Variants in CDKAL1 observed in about 807,000 individuals in gnomAD.
CDKAL1 encodes the protein threonylcarbamoyladenosine tRNA methylthiotransferase.
A neutral mutation model predicts 68.2 loss-of-function variants in CDKAL1; 32 were observed. The observed-to-expected ratio is 0.47, with a 90% CI of 0.35 to 0.63. CDKAL1 has a LOEUF of 0.63. CDKAL1 is among the 30% of genes least tolerant of loss of function. The probability of loss-of-function intolerance (pLI) is 0.00; values close to 1 mark genes in which losing one functional copy is unlikely to be tolerated. For missense variants in CDKAL1, 606 were observed against 696.7 expected, an observed-to-expected ratio of 0.87 and a Z score of 1.47; for synonymous variants, 234 against 244.3, an observed-to-expected ratio of 0.96 and a Z score of 0.39.
intron 5 of CDKAL1, among the ~76,000 whole-genome samples, chr6:20,711,138 G>A (rs1771825325): frequency 6.6e-6 from 1 of 152,120 alleles, no homozygotes; most frequent in African/African-American, 2.4e-5. Context: ...CAGGTAAAAA[G>A]CAAATAAAAG....
At chr6:20,627,819 C>T (rs570392276) in intron 4 of CDKAL1, among the ~76,000 whole-genome samples, 2 of 152,066 alleles carry the variant, frequency 1.3e-5, no homozygotes, top group East Asian at 3.9e-4. Flanking sequence ...TAGCTATACA[C>T]CTAAGTATTT....
intron 4 of CDKAL1, among the ~76,000 whole-genome samples, chr6:20,645,115 T>G (rs1768380279): frequency 6.6e-6 from 1 of 152,096 alleles, no homozygotes; most frequent in Non-Finnish European, 1.5e-5. Flanking sequence ...CTAAGACACT[T>G]ACTATGAATG....
At position 20,856,786 on chromosome 6, in the gene CDKAL1, A is replaced by C. The variant is rs75857834; in HGVS notation, c.742+10608A>C. ...TGGTTTTGGAAGGTTGTTTAATGGA[A>C]TTTTAATAGCCTTGGAAAGATGTGA... On this transcript the variant is annotated intron_variant, in intron 9 of 15. Coordinates refer to ENST00000274695, the MANE Select transcript of CDKAL1 (RefSeq NM_017774.3). 2.9e-3 allele frequency among the ~76,000 whole-genome samples: 437 copies of C among 152,284 alleles called. 5 individuals are homozygous for C. The highest frequency in any genetic ancestry group is 1.0e-2 in the African/African-American group (414 of 41,562).
At position 21,204,245 on chromosome 6, in the gene CDKAL1, C is replaced by T. The variant is rs114013285; in HGVS notation, c.1548+2971C>T. Among the ~76,000 whole-genome samples the T allele has an allele frequency of 4.6e-3, 696 of 152,148 alleles. 3 individuals carry two copies. Among genetic ancestry groups the T allele is most frequent in the African/African-American group, 0.014 (582 of 41,504 alleles). ...TTTTATGAACATTTTCAAGCATACA[C>T]GAAAGTAGAGAGAATAGTATAATAA... On this transcript the variant is annotated intron_variant, in intron 15 of 15. Coordinates refer to ENST00000274695, the MANE Select transcript of CDKAL1 (RefSeq NM_017774.3).
At chr6:21,181,166 G>A (rs547356248) in intron 13 of CDKAL1, among the ~76,000 whole-genome samples, 6 of 152,278 alleles carry the variant, frequency 3.9e-5, no homozygotes, top group East Asian at 1.9e-4. Context: ...AACCAACTCC[G>A]GAGATAGCAA....
At chr6:21,080,554 G>T (rs1030488770) in intron 12 of CDKAL1, among the ~76,000 whole-genome samples, 4 of 152,144 alleles carry the variant, frequency 2.6e-5, no homozygotes, top group Non-Finnish European at 5.9e-5. Context: ...ATTCCTCTCA[G>T]TCAGAATCAT....
intron 5 of CDKAL1, among the ~76,000 whole-genome samples, chr6:20,672,741 G>A (rs1769907018): frequency 6.6e-6 from 1 of 152,070 alleles, no homozygotes; most frequent in South Asian, 2.1e-4. Flanking sequence ...GTAACTCCAT[G>A]AAAAATTGAC....
At chr6:20,776,506 G>A (rs888600811) in intron 7 of CDKAL1, among the ~76,000 whole-genome samples, 7 of 152,160 alleles carry the variant, frequency 4.6e-5, no homozygotes, top group African/African-American at 1.2e-4. Flanking sequence ...AAGTTGTACC[G>A]GAGATATTTA....
chr6:20,574,537 T>C (rs1017631444), intron 4 of CDKAL1, among the ~76,000 whole-genome samples: 1 of 152,184 alleles, frequency 6.6e-6, no homozygotes, highest in Non-Finnish European at 1.5e-5. Context: ...CATGATTACA[T>C]ATAATCAAGG....
At chr6:21,166,685 A>G (rs566333243) in intron 13 of CDKAL1, among the ~76,000 whole-genome samples, 47 of 152,358 alleles carry the variant, frequency 3.1e-4, no homozygotes, top group Non-Finnish European at 1.8e-4. Flanking sequence ...AAGAGAGCAT[A>G]GTAGAACATT....
intron 4 of CDKAL1, chr6:20,558,472 AAAC>A (rs1764146126): frequency 2.2e-6 from 1 of 455,334 alleles, no homozygotes; most frequent in Non-Finnish European, 4.4e-6. Context: ...TCTGTATGAT[AAAC>A]AACTGGGGTT....
chr6:20,950,641 GA>G (rs1289356831), intron 9 of CDKAL1, among the ~76,000 whole-genome samples: 5 of 152,036 alleles, frequency 3.3e-5, no homozygotes, highest in Non-Finnish European at 7.4e-5. Context: ...AAATTGAGAG[GA>G]AAAAACAAAG....
chr6:21,007,079 G>C (rs1307751897), intron 11 of CDKAL1, among the ~76,000 whole-genome samples: 3 of 152,062 alleles, frequency 2.0e-5, no homozygotes, highest in Non-Finnish European at 4.4e-5. Context: ...ACTTAGCAAA[G>C]TACATAGGGT....
chr6:20,648,074 CAAAA>C (rs761320010), intron 4 of CDKAL1, among the ~76,000 whole-genome samples: 1 of 84,960 alleles, frequency 1.2e-5, no homozygotes, highest in Non-Finnish European at 2.5e-5. Context: ...GACTCTGTCT[CAAAA>C]AAAAAAAAAA....
Position 21,225,962 on chromosome 6 carries a change from T to G in CDKAL1, c.1549-4886T>G, listed in dbSNP as rs184226944. ...TAATTTAATCCTCATAAAAACCCTA[T>G]GATGCACAAATACTAGCAGTATCTC... On this transcript the variant is annotated intron_variant, in intron 15 of 15. Coordinates refer to ENST00000274695, the MANE Select transcript of CDKAL1 (RefSeq NM_017774.3). 3.2e-3 allele frequency among the ~76,000 whole-genome samples: 493 copies of G among 152,306 alleles called. 6 individuals carry two copies. The highest frequency in any genetic ancestry group is 0.011 in the African/African-American group (467 of 41,564).
At chr6:21,102,873 T>G (rs982019584) in intron 12 of CDKAL1, among the ~76,000 whole-genome samples, 3 of 152,242 alleles carry the variant, frequency 2.0e-5, no homozygotes, top group Non-Finnish European at 4.4e-5. Context: ...TTCTGCTTCC[T>G]GCCAGTTGAC....
chr6:21,165,010 A>G (rs1777094298), intron 13 of CDKAL1, among the ~76,000 whole-genome samples: 1 of 152,354 alleles, frequency 6.6e-6, no homozygotes, highest in Admixed American at 6.5e-5. Flanking sequence ...TGGTTAATCA[A>G]TGTGAAAGCA....
chr6:20,594,098 A>G (rs967067783), intron 4 of CDKAL1, among the ~76,000 whole-genome samples: 1 of 152,168 alleles, frequency 6.6e-6, no homozygotes, highest in African/African-American at 2.4e-5. Flanking sequence ...ACTTCCAATT[A>G]TGTGGTCAGT....
intron 8 of CDKAL1, among the ~76,000 whole-genome samples, chr6:20,804,834 TCCTGCCTGGAGTACAAACG>T (rs1309478025): frequency 6.6e-6 from 1 of 152,144 alleles, no homozygotes; most frequent in African/African-American, 2.4e-5. Context: ...AAAGCATTTT[TCCTGCCTGGAGTACAAACG>T]CCTGCTTTCC....
Sources: allele counts gnomAD v4.1 joint callset (sites outside exome capture counted in the v4.1 genomes callset), GRCh38; gene constraint gnomAD v4.1.1; transcripts MANE v1.5; gene names NCBI Gene and HGNC (gene_info 2026-07-23, HGNC 2026-07-21).